Variants in ZC3H12B observed in about 807,000 individuals in gnomAD.
The protein encoded by ZC3H12B is probable ribonuclease ZC3H12B.
A neutral mutation model predicts 43.9 loss-of-function variants in ZC3H12B; 7 were observed. The ratio of observed to expected loss-of-function variants is 0.16; its 90% CI spans 0.09 to 0.30. The LOEUF is 0.30. Among genes scored for constraint, ZC3H12B ranks in the 10% least tolerant of loss-of-function variants. The probability of loss-of-function intolerance (pLI) is 1.00; values close to 1 mark genes in which losing one functional copy is unlikely to be tolerated. For missense variants in ZC3H12B, 475 were observed against 670.2 expected (o/e 0.71, Z 3.22); for synonymous variants, 222 against 241.7 (o/e 0.92, Z 0.76).
intron 3 of ZC3H12B, among the ~76,000 whole-genome samples, chrX:65,434,199 C>T (rs1161936941): frequency 8.9e-6 from 1 of 111,942 alleles, no homozygotes; most frequent in East Asian, 2.8e-4. Flanking sequence ...TAAGGTCTGG[C>T]CTGCAGAGAA....
At chrX:65,176,922 C>T in the ZC3H12B span, among the ~76,000 whole-genome samples, 1 of 112,083 alleles carries the variant, frequency 8.9e-6, no homozygotes, top group African/African-American at 3.3e-5. Context: ...CTCCATAACT[C>T]ATTGTATGAG....
At chrX:65,090,069 T>C in the ZC3H12B span, among the ~76,000 whole-genome samples, 1 of 112,376 alleles carries the variant, frequency 8.9e-6, no homozygotes, top group Admixed American at 9.4e-5. Context: ...ATACATAAAC[T>C]AGTAACAGTC....
In ZC3H12B at chrX:65,423,039, TCTC is replaced by T. The variant is rs764612186; in HGVS notation, n.407+24338_407+24340del. Among the ~76,000 whole-genome samples the T allele has an allele frequency of 2.7e-3, 285 of 104,507 alleles. 1 individual carries two copies. Among genetic ancestry groups the T allele is most frequent in the Non-Finnish European group, 4.2e-3 (217 of 51,502 alleles). The allele number at this position is 104,507 out of a possible 115,157, so 90.8% of individuals were successfully genotyped here. On this transcript the variant is annotated intron_variant and non_coding_transcript_variant, in intron 3 of 5. Transcript: ENST00000617377. ...GCTCCACCTCCCAGGTTCACGCCAT[TCTC>T]CTGCCTCAGCCTCCTGAGTAGCTGG... is the stretch of plus-strand genomic sequence containing the variant.
the ZC3H12B span, among the ~76,000 whole-genome samples, chrX:65,118,730 C>A: frequency 9.2e-6 from 1 of 109,060 alleles, no homozygotes; most frequent in Non-Finnish European, 1.9e-5. Flanking sequence ...ATACATTTGC[C>A]ATGTTGGTGT....
At chrX:65,146,008 T>C in the ZC3H12B span, among the ~76,000 whole-genome samples, 3 of 111,749 alleles carry the variant, frequency 2.7e-5, no homozygotes, top group African/African-American at 9.7e-5. Context: ...TTTGTGCTTC[T>C]TGTATTTTGA....
At chrX:65,438,768 C>T (rs766092681) in intron 3 of ZC3H12B, among the ~76,000 whole-genome samples, 1 of 113,501 alleles carries the variant, frequency 8.8e-6, no homozygotes, top group Non-Finnish European at 1.9e-5. Context: ...TGCCTTTAAG[C>T]GGTTTTCCGC....
the ZC3H12B span, among the ~76,000 whole-genome samples, chrX:65,166,920 TC>T: frequency 0.11 from 11,925 of 111,718 alleles, 1,532 homozygotes; most frequent in African/African-American, 0.36. Flanking sequence ...TTGTTTAAGT[TC>T]TTTGTAGATT....
intron 3 of ZC3H12B, among the ~76,000 whole-genome samples, chrX:65,437,562 T>C (rs1457066138): frequency 8.9e-6 from 1 of 112,494 alleles, no homozygotes; most frequent in African/African-American, 3.2e-5. Flanking sequence ...AAATGTCTAT[T>C]CAAATCTTTT....
the ZC3H12B span, among the ~76,000 whole-genome samples, chrX:65,270,456 C>T: frequency 9.0e-6 from 1 of 111,493 alleles, no homozygotes; most frequent in Admixed American, 9.5e-5. Flanking sequence ...GAGAATAGTC[C>T]TTGACACTGG....
intron 3 of ZC3H12B, among the ~76,000 whole-genome samples, chrX:65,434,851 C>A (rs2067201834): frequency 9.0e-6 from 1 of 111,180 alleles, no homozygotes; most frequent in Admixed American, 9.6e-5. Context: ...TTAGATCCCT[C>A]AGGCAGAGGT....
chrX:65,256,352 G>A, the ZC3H12B span, among the ~76,000 whole-genome samples: 1 of 108,592 alleles, frequency 9.2e-6, no homozygotes, highest in East Asian at 2.8e-4. Flanking sequence ...CAGGACCACA[G>A]CACAATAAAA....
chrX:65,235,759 G>A, the ZC3H12B span, among the ~76,000 whole-genome samples: 1 of 111,899 alleles, frequency 8.9e-6, no homozygotes, highest in Admixed American at 9.5e-5. Context: ...TCTTGATCAG[G>A]GAATCCTGAG....
At chrX:65,429,666 C>T (rs2067129160) in intron 3 of ZC3H12B, among the ~76,000 whole-genome samples, 1 of 112,033 alleles carries the variant, frequency 8.9e-6, no homozygotes, top group Non-Finnish European at 1.9e-5. Context: ...ATGAGACCAC[C>T]CGTCTCTTTG....
the ZC3H12B span, among the ~76,000 whole-genome samples, chrX:65,151,340 G>A: frequency 1.8e-5 from 2 of 111,917 alleles, no homozygotes; most frequent in East Asian, 2.8e-4. Flanking sequence ...TCTGTCACTC[G>A]AAAATGTGGA....
chrX:65,060,911 G>A, the ZC3H12B span, among the ~76,000 whole-genome samples: 6 of 111,383 alleles, frequency 5.4e-5, no homozygotes, highest in East Asian at 2.8e-4. Context: ...TTCTTTACTC[G>A]TAGACTTGTT....
At chrX:65,105,817 C>A in the ZC3H12B span, among the ~76,000 whole-genome samples, 3 of 110,890 alleles carry the variant, frequency 2.7e-5, no homozygotes, top group Non-Finnish European at 5.7e-5. Context: ...GAAGAAGCCA[C>A]ACTGATGGCA....
At chrX:65,433,272 G>A (rs2067184470) in intron 3 of ZC3H12B, among the ~76,000 whole-genome samples, 1 of 112,226 alleles carries the variant, frequency 8.9e-6, no homozygotes, top group East Asian at 2.8e-4. Context: ...GTGATGCGAT[G>A]AGAGTCACCA....
chrX:65,116,323 G>A, the ZC3H12B span, among the ~76,000 whole-genome samples: 4 of 110,943 alleles, frequency 3.6e-5, no homozygotes, highest in East Asian at 1.1e-3. Context: ...TTCACTTTAC[G>A]TTTCTGTTTG....
chrX:65,123,954 C>T, the ZC3H12B span, among the ~76,000 whole-genome samples: 1 of 110,497 alleles, frequency 9.1e-6, no homozygotes, highest in Admixed American at 9.7e-5. Flanking sequence ...AGTTTGACTT[C>T]CTCGTTACTG....
Sources: gnomAD v4.1 joint callset for allele counts (sites outside exome capture counted in the v4.1 genomes callset) on GRCh38, gnomAD v4.1.1 for gene constraint, MANE v1.5 for transcripts, NCBI Gene and HGNC (gene_info 2026-07-23, HGNC 2026-07-21) for gene names.